ASPH: variants seen among roughly 807,000 people sequenced by gnomAD.
ASPH encodes aspartyl/asparaginyl beta-hydroxylase.
In ASPH, 100 loss-of-function variants were observed where a neutral mutation model predicts 118.4. The observed-to-expected ratio is 0.84, with a 90% CI of 0.72 to 1.00. The LOEUF (loss-of-function observed/expected upper bound fraction) is 1.00, where lower values mean the gene tolerates loss of function less well. Among genes scored for constraint, ASPH ranks in the 50% least tolerant of loss-of-function variants. The pLI, the probability that ASPH is intolerant of heterozygous loss-of-function variation, is 0.00. For synonymous variants in ASPH, 315 were observed against 325.6 expected (o/e 0.97, Z 0.35); for missense variants, 920 against 919.5 (o/e 1.00, Z -0.01).
At chr8:61,690,680 T>C (rs1245557391) in intron 1 of ASPH, among the ~76,000 whole-genome samples, 2 of 152,174 alleles carry the variant, frequency 1.3e-5, no homozygotes, top group Non-Finnish European at 2.9e-5. Flanking sequence ...CCTTTCTAAG[T>C]TGTTTATAAG....
chr8:61,650,377 C>T (rs1012810988), intron 5 of ASPH, among the ~76,000 whole-genome samples: 1 of 152,092 alleles, frequency 6.6e-6, no homozygotes, highest in African/African-American at 2.4e-5. Flanking sequence ...TGGATCACAC[C>T]AAAGCATCAG....
intron 1 of ASPH, among the ~76,000 whole-genome samples, chr8:61,701,621 T>C (rs1004540726): frequency 6.6e-6 from 1 of 152,244 alleles, no homozygotes; most frequent in African/African-American, 2.4e-5. Flanking sequence ...GTATATTTAC[T>C]GGTTACAACT....
At chr8:61,635,939 T>C (rs1011664089) in intron 12 of ASPH, among the ~76,000 whole-genome samples, 4 of 152,198 alleles carry the variant, frequency 2.6e-5, no homozygotes, top group African/African-American at 9.6e-5. Flanking sequence ...AATCAGATTA[T>C]GCTATATCTT....
intron 3 of ASPH, among the ~76,000 whole-genome samples, chr8:61,673,988 A>T (rs898963977): frequency 2.0e-5 from 3 of 152,224 alleles, no homozygotes; most frequent in African/African-American, 7.2e-5. Context: ...TTTTTCACTT[A>T]CAAAAATAAA....
intron 21 of ASPH, 78 bp downstream of exon 21, chr8:61,547,993 T>A: frequency 6.8e-7 from 1 of 1,474,458 alleles, no homozygotes; most frequent in East Asian, 2.4e-5. Context: ...TGACATTCCT[T>A]TTTATGATAA....
At position 61,502,428 on chromosome 8, in the gene ASPH, C is replaced by A. The variant is rs1805099741; in HGVS notation, c.*931G>T. ...CTACCATAGGCAAAGACACTGTGTT[C>A]CCAGCCCTTGCCTCATGGATGGCAA... On this transcript the variant is annotated 3_prime_UTR_variant, in exon 25 of 25. Transcript: ENST00000379454. 1.3e-5 allele frequency: 2 copies of A among 152,182 alleles called. No homozygotes were observed. Among genetic ancestry groups the A allele is most frequent in the South Asian group, 4.1e-4 (2 of 4,826 alleles). 9.4% of individuals were successfully genotyped at this position (152,182 alleles called of 1,614,324 possible). A position where few individuals can be genotyped will look rare whatever the true frequency, so the allele number is the denominator to read the frequency against.
chr8:61,686,107 C>G (rs1830411553), intron 1 of ASPH, among the ~76,000 whole-genome samples: 1 of 152,086 alleles, frequency 6.6e-6, no homozygotes, highest in South Asian at 2.1e-4. Flanking sequence ...CCCTCAGAAC[C>G]AGAGTTGTAA....
chr8:61,508,917 T>G (rs1807711631), intron 24 of ASPH, among the ~76,000 whole-genome samples: 1 of 152,250 alleles, frequency 6.6e-6, no homozygotes, highest in South Asian at 2.1e-4. Flanking sequence ...TTACTCATTC[T>G]GATCTACTGA....
intron 22 of ASPH, among the ~76,000 whole-genome samples, chr8:61,518,806 T>G (rs1811864869): frequency 6.6e-6 from 1 of 152,250 alleles, no homozygotes; most frequent in South Asian, 2.1e-4. Flanking sequence ...TGTAGGGTCA[T>G]GACTTTTCTC....
At position 61,526,051 on chromosome 8, in the gene ASPH, T is replaced by C. The variant is rs1815202730; in HGVS notation, c.1826A>G (p.Lys609Arg). ...DEGLAVMDKA[K>R]GLFLPEDENL... is the part of the protein sequence containing the mutation. Reference sequence around the variant, plus strand: ...TTCATCCTCAGGCAGGAAGAGACCTTTGGCTTTATCCATCACTGCAAGGCC... The same window carrying C: ...TTCATCCTCAGGCAGGAAGAGACCTCTGGCTTTATCCATCACTGCAAGGCC... The change falls in exon 22 of 25, where the codon AAA becomes AGA. Residue 609 changes from lysine to arginine, a missense_variant. Physicochemically the swap from Lys to Arg is conservative, Grantham distance 26 (BLOSUM62 2). Transcript: ENST00000379454. The C allele has an allele frequency of 6.2e-7, 1 of 1,613,946 alleles. No individual in the cohort carries two copies. The highest frequency in any genetic ancestry group is 1.7e-5 in the Admixed American group (1 of 60,000).
chr8:61,581,990 C>G (rs1003584351), intron 15 of ASPH, among the ~76,000 whole-genome samples: 2 of 152,228 alleles, frequency 1.3e-5, no homozygotes, highest in Admixed American at 1.3e-4. Context: ...AAGGCATGAA[C>G]TGAGGCTGCA....
At chr8:61,624,148 T>C (rs970516310) in intron 13 of ASPH, 1 of 813,154 alleles carries the variant, frequency 1.2e-6, no homozygotes, top group African/African-American at 1.9e-5. Flanking sequence ...CAATAATTTA[T>C]TGTACATTTT....
intron 1 of ASPH, among the ~76,000 whole-genome samples, chr8:61,703,827 G>C (rs1327272282): frequency 6.6e-6 from 1 of 152,064 alleles, no homozygotes; most frequent in Admixed American, 6.5e-5. Flanking sequence ...TATTTTAAAA[G>C]GAACAACAAA....
At chr8:61,688,522 A>G (rs1292310679) in intron 1 of ASPH, among the ~76,000 whole-genome samples, 1 of 152,200 alleles carries the variant, frequency 6.6e-6, no homozygotes, top group South Asian at 2.1e-4. Context: ...GCACTTGAAC[A>G]GTCACCAGCT....
intron 14 of ASPH, among the ~76,000 whole-genome samples, chr8:61,594,270 T>A (rs1249640523): frequency 6.6e-6 from 1 of 152,254 alleles, no homozygotes; most frequent in Non-Finnish European, 1.5e-5. Flanking sequence ...TTTAAAATGC[T>A]TTAGAAAATA....
chr8:61,656,422 A>T (rs1463812129), intron 3 of ASPH: 2 of 152,212 alleles, frequency 1.3e-5, no homozygotes, highest in Non-Finnish European at 1.5e-5. Context: ...CAGAAGCAAA[A>T]GGAGCATCTC....
chr8:61,595,716 G>A (rs1484651324), intron 14 of ASPH, among the ~76,000 whole-genome samples: 2 of 152,152 alleles, frequency 1.3e-5, no homozygotes, highest in African/African-American at 4.8e-5. Context: ...TCACACACAG[G>A]GAAATAAAAA....
intron 1 of ASPH, among the ~76,000 whole-genome samples, chr8:61,697,243 T>C (rs1275340554): frequency 6.6e-6 from 1 of 152,210 alleles, no homozygotes; most frequent in Non-Finnish European, 1.5e-5. Context: ...ATAATACATC[T>C]TGGGGATATT....
At chr8:61,670,838 G>T (rs1822120091) in intron 3 of ASPH, among the ~76,000 whole-genome samples, 1 of 151,776 alleles carries the variant, frequency 6.6e-6, no homozygotes, top group Non-Finnish European at 1.5e-5. Context: ...AAAGGGAAGA[G>T]AGAAGAAAAT....
Sources: gnomAD v4.1 joint callset for allele counts (sites outside exome capture counted in the v4.1 genomes callset) on GRCh38, gnomAD v4.1.1 for gene constraint, MANE v1.5 for transcripts, NCBI Gene and HGNC (gene_info 2026-07-23, HGNC 2026-07-21) for gene names.